Variants in UPK1B observed in about 807,000 individuals in gnomAD.
UPK1B encodes the protein uroplakin 1B.
In UPK1B, 28 loss-of-function variants were observed where a neutral mutation model predicts 34.2. That is an observed-to-expected ratio of 0.82 (90% CI 0.61 to 1.12). The LOEUF is 1.12. UPK1B is among the 50% of genes most tolerant of loss of function. UPK1B has a pLI of 0.00. For missense variants in UPK1B, 325 were observed against 320.9 expected, an observed-to-expected ratio of 1.01 and a Z score of -0.10; for synonymous variants, 81 against 110.4, an observed-to-expected ratio of 0.73 and a Z score of 1.67.
In UPK1B at chr3:119,191,065, CAA is replaced by C. The variant is rs1559902685; in HGVS notation, c.430_431del (p.Asn144TrpfsTer34). 1 of 1,614,024 alleles carries C rather than the reference CAA, an allele frequency of 6.2e-7. No individual in the cohort carries two copies. The highest frequency in any genetic ancestry group is 1.1e-5 in the South Asian group (1 of 91,066). On this transcript the variant is annotated frameshift_variant, in exon 5 of 8. Transcript: ENST00000264234. LOFTEE classifies it high-confidence loss of function. ...CAAACAATGATGACCAGTGGAAAAA[CAA>C]TGGAGTCACCAAAACCTGGGACAGG... ...PPNNDDQWKNNGVTKTWDRLM... is the reference protein window; with the variant it reads ...PPNNDDQWKNXGVTKTWDRLM...
chr3:119,190,212 G>A (rs2078037701), intron 3 of UPK1B, 33 bp from the exon 4 acceptor site: 1 of 1,514,518 alleles, frequency 6.6e-7, no homozygotes, highest in Non-Finnish European at 9.0e-7. Context: ...ACGGGTAAAT[G>A]TAATTCTTTT....
chr3:119,179,193 T>C (rs2077973671), intron 1 of UPK1B, among the ~76,000 whole-genome samples: 2 of 151,030 alleles, frequency 1.3e-5, no homozygotes, highest in Admixed American at 6.6e-5. Context: ...CCAGACATTG[T>C]GCATGCACCT....
At chr3:119,193,743 T>A (rs2078053632) in intron 5 of UPK1B, among the ~76,000 whole-genome samples, 1 of 152,222 alleles carries the variant, frequency 6.6e-6, no homozygotes, top group African/African-American at 2.4e-5. Context: ...ATTTTATGAT[T>A]CTCAATTTGC....
At chr3:119,197,839 T>C (rs555326035) in intron 6 of UPK1B, among the ~76,000 whole-genome samples, 1 of 146,266 alleles carries the variant, frequency 6.8e-6, no homozygotes, top group East Asian at 2.0e-4. Flanking sequence ...TCTTTTTCTC[T>C]GTCACTGTCA....
intron 1 of UPK1B, among the ~76,000 whole-genome samples, chr3:119,184,683 G>T (rs182684366): frequency 6.6e-5 from 10 of 152,206 alleles, no homozygotes; most frequent in Non-Finnish European, 1.5e-4. Context: ...CCAAGATCGT[G>T]CCACTGCACT....
intron 5 of UPK1B, among the ~76,000 whole-genome samples, chr3:119,193,488 T>C (rs2078052600): frequency 6.6e-6 from 1 of 152,218 alleles, no homozygotes; most frequent in African/African-American, 2.4e-5. Flanking sequence ...TGTTTTGTCC[T>C]CTATTCTCAA....
At chr3:119,189,165 A>G (rs2078033127) in intron 3 of UPK1B, among the ~76,000 whole-genome samples, 1 of 152,162 alleles carries the variant, frequency 6.6e-6, no homozygotes, top group African/African-American at 2.4e-5. Flanking sequence ...TCCTTTCTGG[A>G]GCGTCTTTAC....
chr3:119,187,424 C>T (rs1453278940), intron 2 of UPK1B, among the ~76,000 whole-genome samples: 2 of 152,118 alleles, frequency 1.3e-5, no homozygotes, highest in African/African-American at 4.8e-5. Context: ...TAAATATGAC[C>T]AGGACCAGCT....
At chr3:119,177,901 T>A (rs7614071) in intron 1 of UPK1B, among the ~76,000 whole-genome samples, 99,412 of 152,058 alleles carry the variant, frequency 0.65, 33,611 homozygotes, top group East Asian at 0.84. Context: ...CTATTTGCTA[T>A]AGGCAGAGAG....
chr3:119,185,056 G>A (rs576678806), intron 1 of UPK1B, among the ~76,000 whole-genome samples: 15 of 152,330 alleles, frequency 9.8e-5, no homozygotes, highest in East Asian at 5.8e-4. Flanking sequence ...TGGAAAGAAT[G>A]AATGAAATTT....
At chr3:119,193,926 A>C (rs1466445261) in intron 5 of UPK1B, among the ~76,000 whole-genome samples, 1 of 152,216 alleles carries the variant, frequency 6.6e-6, no homozygotes, top group African/African-American at 2.4e-5. Flanking sequence ...GATAGGTACT[A>C]TATTCCAATT....
rs2077978187 is a variant in UPK1B at position 119,179,507 on chromosome 3, C to CTTCTTTTTTTTTT, written c.-29+5871_-29+5872insCTTTTTTTTTTTT. Among the ~76,000 whole-genome samples the CTTCTTTTTTTTTT allele has an allele frequency of 7.7e-5, 4 of 52,256 alleles. 1 individual carries two copies. The highest frequency in any genetic ancestry group is 2.8e-4 in the African/African-American group (4 of 14,260). 34.3% of individuals were successfully genotyped at this position (52,256 alleles called of 152,430 possible). Reference sequence around the variant, plus strand: ...TTTGGGGAAGAGTTGATGTTGCAGTCTTTTTTTTTTTTTTTTTTTTGAGAC... The same window carrying CTTCTTTTTTTTTT: ...TTTGGGGAAGAGTTGATGTTGCAGTCTTCTTTTTTTTTTTTTTTTTTTTTTTTTTTTTTGAGAC... On this transcript the variant is annotated intron_variant, in intron 1 of 7. Coordinates refer to ENST00000264234, the MANE Select transcript of UPK1B (RefSeq NM_006952.4).
Position 119,205,129 on chromosome 3 carries a change from C to T in UPK1B, c.*1162C>T, listed in dbSNP as rs2078114182. 1 of 152,200 alleles carries T rather than the reference C, an allele frequency of 6.6e-6. No individual in the cohort carries two copies. The highest frequency in any genetic ancestry group is 2.4e-5 in the African/African-American group (1 of 41,444). The allele number at this position is 152,200 out of a possible 1,614,324, so 9.4% of individuals were successfully genotyped here. ...ATTTGTCTGGTCTTATAAGTAAAGA[C>T]AGCTTTAAAATCTGTTCACTTTCAT... On this transcript the variant is annotated 3_prime_UTR_variant, in exon 8 of 8. Transcript: ENST00000264234.
intron 1 of UPK1B, among the ~76,000 whole-genome samples, chr3:119,182,188 A>G (rs2077992732): frequency 6.6e-6 from 1 of 152,192 alleles, no homozygotes; most frequent in South Asian, 2.1e-4. Context: ...TATGGAAAAT[A>G]AAAAGAAGTA....
intron 1 of UPK1B, among the ~76,000 whole-genome samples, chr3:119,179,797 A>G (rs9836877): frequency 0.33 from 32,550 of 99,720 alleles, 4,603 homozygotes; most frequent in East Asian, 0.46. Context: ...GTGAGCCACC[A>G]CGCCCGGCTT....
rs1244260614 is a variant in UPK1B, at chr3:119,187,774, G to A, written c.70-1G>A. 2.5e-6 allele frequency: 4 copies of A among 1,610,736 alleles called. No homozygotes were observed. The Admixed American group carries it at 6.7e-5, about 27-fold the overall frequency. Reference sequence around the variant, plus strand: ...GGAGCCCACCTTTCATTTGCCCCCAGTGTTGCGGCATTGCCCTGACTGCGG... The same window carrying A: ...GGAGCCCACCTTTCATTTGCCCCCAATGTTGCGGCATTGCCCTGACTGCGG... On this transcript the variant is annotated splice_acceptor_variant, in intron 2 of 7. Transcript: ENST00000264234. LOFTEE classifies it high-confidence loss of function.
At chr3:119,203,177 C>T (rs1430374403) in intron 7 of UPK1B, among the ~76,000 whole-genome samples, 1 of 151,678 alleles carries the variant, frequency 6.6e-6, no homozygotes, top group Non-Finnish European at 1.5e-5. Context: ...CCCGTCTCTA[C>T]TAAAAATACA....
chr3:119,193,382 C>A (rs1258016743), intron 5 of UPK1B, among the ~76,000 whole-genome samples: 1 of 152,210 alleles, frequency 6.6e-6, no homozygotes, highest in South Asian at 2.1e-4. Flanking sequence ...TGAATACATT[C>A]ATTCTAAAAG....
Position 119,190,265 on chromosome 3 carries a change from A to G in UPK1B, c.291A>G (p.Ile97Met), listed in dbSNP as rs762312214. The change falls in exon 4 of 8, where the codon ATA (isoleucine) becomes ATG (methionine). Residue 97 changes from isoleucine to methionine, a missense_variant. Ile to Met is a conservative substitution (Grantham distance 10). Transcript: ENST00000264234. ...TCCAGTATTTCATTCTGATGTTTATAGTATATGCCTTTGAAGTGGCATCTT... is the reference window on the plus strand; with the variant it reads ...TCCAGTATTTCATTCTGATGTTTATGGTATATGCCTTTGAAGTGGCATCTT... Reference protein sequence around the residue: ...ILLAYFILMFIVYAFEVASCI... With the variant: ...ILLAYFILMFMVYAFEVASCI... The G allele has an allele frequency of 1.2e-6, 2 of 1,609,990 alleles. No homozygotes were observed. The highest frequency in any genetic ancestry group is 2.2e-5 in the South Asian group (2 of 90,284).
Sources: allele counts gnomAD v4.1 joint callset (sites outside exome capture counted in the v4.1 genomes callset), GRCh38; gene constraint gnomAD v4.1.1; transcripts MANE v1.5; gene names NCBI Gene and HGNC (gene_info 2026-07-23, HGNC 2026-07-21).